CCDC171: variants seen among roughly 807,000 people sequenced by gnomAD.
The protein encoded by CCDC171 is coiled-coil domain-containing protein 171.
CCDC171 carries 177 observed loss-of-function variants against 168.2 expected under a neutral mutation model. The ratio of observed to expected loss-of-function variants is 1.05; its 90% CI spans 0.93 to 1.19. CCDC171 has a LOEUF of 1.19. CCDC171 is among the 50% of genes most tolerant of loss of function. CCDC171 has a pLI of 0.00. For missense variants in CCDC171, 1,991 were observed against 1,539.0 expected, an observed-to-expected ratio of 1.29 and a Z score of -4.91; for synonymous variants, 687 against 540.8, an observed-to-expected ratio of 1.27 and a Z score of -3.75.
At chr9:15,844,640 CT>C (rs2060820129) in intron 21 of CCDC171, among the ~76,000 whole-genome samples, 1 of 151,964 alleles carries the variant, frequency 6.6e-6, no homozygotes, top group Non-Finnish European at 1.5e-5. Flanking sequence ...GTTTATACCA[CT>C]TTTTGTTTCT....
At chr9:15,834,776 G>T (rs565847087) in intron 21 of CCDC171, among the ~76,000 whole-genome samples, 1 of 152,304 alleles carries the variant, frequency 6.6e-6, no homozygotes, top group South Asian at 2.1e-4. Flanking sequence ...GGTTAGGGAC[G>T]TATATGCACT....
At chr9:16,028,877 G>T (rs1028970110) in intron 6 of CCDC171, among the ~76,000 whole-genome samples, 2 of 152,140 alleles carry the variant, frequency 1.3e-5, no homozygotes, top group African/African-American at 4.8e-5. Flanking sequence ...GCAGTCTAAG[G>T]CACTTCCAAC....
intron 16 of CCDC171, among the ~76,000 whole-genome samples, chr9:15,740,180 T>A (rs13297853): frequency 6.6e-6 from 1 of 152,210 alleles, no homozygotes. Flanking sequence ...TCATTTTTTT[T>A]ACATATAGAT....
chr9:15,734,374 TA>T (rs1430681765), intron 16 of CCDC171, among the ~76,000 whole-genome samples: 1 of 152,074 alleles, frequency 6.6e-6, no homozygotes, highest in East Asian at 1.9e-4. Context: ...CCGTTTCTAC[TA>T]AAAGTACAAA....
At chr9:15,930,531 A>G (rs1826387113) in intron 25 of CCDC171, among the ~76,000 whole-genome samples, 1 of 151,654 alleles carries the variant, frequency 6.6e-6, no homozygotes, top group South Asian at 2.1e-4. Context: ...GTGGACATAC[A>G]TAGACATAAA....
intron 13 of CCDC171, 103 bp from the exon 14 acceptor site, chr9:15,724,673 A>C: frequency 1.4e-6 from 1 of 694,040 alleles, no homozygotes; most frequent in South Asian, 2.2e-5. Context: ...TGATTCTTTC[A>C]TTTTAAAGCT....
At chr9:15,753,777 G>A (rs2055915170) in intron 18 of CCDC171, among the ~76,000 whole-genome samples, 4 of 152,092 alleles carry the variant, frequency 2.6e-5, no homozygotes, top group Admixed American at 2.6e-4. Flanking sequence ...TAAGAAACAC[G>A]ACTTTGAGAA....
At position 15,666,298 on chromosome 9, in the gene CCDC171, C is replaced by G. The variant is rs748434101; in HGVS notation, c.1051C>G (p.Gln351Glu). Residue 351 changes from glutamine to glutamate, a missense_variant, in exon 9 of 26, where the codon CAA (glutamine) becomes GAA (glutamate). By Grantham distance (29) the Gln-to-Glu change is conservative. Coordinates refer to ENST00000380701, the MANE Select transcript of CCDC171 (RefSeq NM_173550.4). Reference sequence around the variant, plus strand: ...ATATGAGCGAGAAAAGCATAATGCACAAGAGAGCTTTGCAAAACTAAATTT... The same window carrying G: ...ATATGAGCGAGAAAAGCATAATGCAGAAGAGAGCTTTGCAAAACTAAATTT... ...SAYEREKHNA[Q>E]ESFAKLNLLE... 1 of 1,609,956 alleles carries G rather than the reference C, an allele frequency of 6.2e-7. No individual in the cohort carries two copies. The highest frequency in any genetic ancestry group is 8.5e-7 in the Non-Finnish European group (1 of 1,178,434).
chr9:16,008,227 T>A (rs768390175), intron 3 of CCDC171, among the ~76,000 whole-genome samples: 47 of 152,250 alleles, frequency 3.1e-4, no homozygotes, highest in South Asian at 2.7e-3. Flanking sequence ...TTTAGGACTT[T>A]CATCTATTTT....
chr9:15,559,538 G>C (rs529824132), intron 1 of CCDC171, among the ~76,000 whole-genome samples: 2 of 152,098 alleles, frequency 1.3e-5, no homozygotes, highest in African/African-American at 4.8e-5. Flanking sequence ...TGTCTTATCA[G>C]AGATTAGGAT....
chr9:15,592,829 T>A (rs1422334013), intron 5 of CCDC171, among the ~76,000 whole-genome samples: 3 of 152,096 alleles, frequency 2.0e-5, no homozygotes, highest in Admixed American at 2.0e-4. Context: ...CTTAGGAGAA[T>A]TGTGGTTTGA....
intron 21 of CCDC171, among the ~76,000 whole-genome samples, 198 bp downstream of exon 21, chr9:15,784,892 ACTTGCT>A (rs2057859063): frequency 6.6e-6 from 1 of 152,140 alleles, no homozygotes; most frequent in Non-Finnish European, 1.5e-5. Context: ...AGTAGGCTTT[ACTTGCT>A]GGTTGAAAAC....
intron 10 of CCDC171, among the ~76,000 whole-genome samples, chr9:15,680,756 A>G (rs984433789): frequency 6.6e-6 from 1 of 152,146 alleles, no homozygotes; most frequent in African/African-American, 2.4e-5. Flanking sequence ...CTTACCTCCT[A>G]GTTCAGGAGG....
intron 21 of CCDC171, among the ~76,000 whole-genome samples, chr9:15,827,985 G>C (rs140597926): frequency 1.6e-3 from 244 of 152,246 alleles, no homozygotes; most frequent in Middle Eastern, 3.4e-3. Flanking sequence ...TTTCTTAGAA[G>C]TCTTCAATAG....
chr9:16,096,239 C>A, the CCDC171 span, among the ~76,000 whole-genome samples: 1 of 152,106 alleles, frequency 6.6e-6, no homozygotes, highest in Admixed American at 6.5e-5. Context: ...AAAATAACTC[C>A]ATAAAATGTA....
intron 24 of CCDC171, among the ~76,000 whole-genome samples, chr9:15,880,463 C>CTTT (rs59892028): frequency 9.2e-5 from 13 of 141,018 alleles, no homozygotes; most frequent in Non-Finnish European, 9.1e-5. Flanking sequence ...CTCTCTCTCT[C>CTTT]TTTTTTTTTT....
At chr9:15,754,043 T>C (rs563853857) in intron 18 of CCDC171, among the ~76,000 whole-genome samples, 1 of 152,264 alleles carries the variant, frequency 6.6e-6, no homozygotes, top group Middle Eastern at 3.4e-3. Context: ...ATTTTTGTAG[T>C]AGAAATTTCA....
chr9:15,795,832 A>T (rs1285199634), intron 21 of CCDC171, among the ~76,000 whole-genome samples: 1 of 152,230 alleles, frequency 6.6e-6, no homozygotes, highest in Non-Finnish European at 1.5e-5. Flanking sequence ...TGCCACACAC[A>T]GGGTCTTAGT....
At chr9:15,662,554 G>T (rs947484853) in intron 8 of CCDC171, among the ~76,000 whole-genome samples, 1 of 151,954 alleles carries the variant, frequency 6.6e-6, no homozygotes, top group Non-Finnish European at 1.5e-5. Context: ...ATATTATTTC[G>T]CAGTCTATGT....
Sources: allele counts gnomAD v4.1 joint callset (sites outside exome capture counted in the v4.1 genomes callset), GRCh38; gene constraint gnomAD v4.1.1; transcripts MANE v1.5; gene names NCBI Gene and HGNC (gene_info 2026-07-23, HGNC 2026-07-21).